Variants in UVRAG observed in about 807,000 individuals in gnomAD.
UVRAG encodes the protein UV radiation resistance-associated gene protein.
In UVRAG, 19 loss-of-function variants were observed where a neutral mutation model predicts 78.0. The ratio of observed to expected loss-of-function variants is 0.24; its 90% CI spans 0.17 to 0.36. The LOEUF is 0.36. UVRAG is among the 10% of genes least tolerant of loss of function. The pLI, the probability that UVRAG is intolerant of heterozygous loss-of-function variation, is 1.00. For missense variants in UVRAG, 740 were observed against 853.8 expected (o/e 0.87, Z 1.66); for synonymous variants, 323 against 324.6 (o/e 1.00, Z 0.05).
At chr11:75,994,104 G>A (rs972769187) in intron 8 of UVRAG, among the ~76,000 whole-genome samples, 19 of 152,232 alleles carry the variant, frequency 1.2e-4, no homozygotes, top group African/African-American at 4.1e-4. Flanking sequence ...AGGAGCACAC[G>A]TCCATACCAT....
intron 3 of UVRAG, among the ~76,000 whole-genome samples, chr11:75,873,817 G>T (rs539587448): frequency 5.3e-5 from 8 of 152,252 alleles, no homozygotes; most frequent in African/African-American, 1.9e-4. Context: ...CTCATGTAAG[G>T]TAGAGTTGGT....
intron 6 of UVRAG, among the ~76,000 whole-genome samples, chr11:75,931,638 A>G (rs1247416675): frequency 3.3e-5 from 5 of 152,144 alleles, no homozygotes; most frequent in Admixed American, 2.0e-4. Context: ...CACCTTTCAC[A>G]CTTTCTATTT....
rs1311992307 is a variant in UVRAG, at chr11:76,141,280, C to T, written c.1967C>T (p.Pro656Leu). ...GDQLEAFNCI[P>L]VDSAVAVECD... is the part of the protein sequence containing the mutation. ...CAGCTAGAAGCATTTAACTGCATCC[C>T]AGTGGACAGTGCTGTGGCAGTAGAG... Residue 656 changes from proline to leucine, a missense_variant, in exon 15 of 15, where the codon CCA (proline) becomes CTA (leucine). Physicochemically the swap from Pro to Leu is moderately conservative, Grantham distance 98 (BLOSUM62 -3). Transcript: ENST00000356136. 16 of 1,614,064 alleles carry T rather than the reference C, an allele frequency of 9.9e-6. No individual in the cohort carries two copies. The highest frequency in any genetic ancestry group is 1.3e-5 in the Non-Finnish European group (15 of 1,180,044).
At chr11:75,846,796 A>G (rs1046275052) in intron 1 of UVRAG, among the ~76,000 whole-genome samples, 4 of 151,582 alleles carry the variant, frequency 2.6e-5, no homozygotes, top group Non-Finnish European at 4.4e-5. Context: ...CTGTAGCTTT[A>G]TAGTAATGTC....
chr11:76,072,611 G>A (rs963382587), intron 13 of UVRAG, among the ~76,000 whole-genome samples: 2 of 152,104 alleles, frequency 1.3e-5, no homozygotes, highest in Non-Finnish European at 2.9e-5. Context: ...TGATATAAAT[G>A]TATAGTTCTT....
At chr11:76,077,222 CA>C (rs1258638083) in intron 13 of UVRAG, among the ~76,000 whole-genome samples, 2 of 150,286 alleles carry the variant, frequency 1.3e-5, no homozygotes, top group Non-Finnish European at 3.0e-5. Flanking sequence ...TAATTGAGGT[CA>C]AAAAATTATA....
intron 6 of UVRAG, among the ~76,000 whole-genome samples, chr11:75,928,098 A>G (rs1157782637): frequency 2.6e-5 from 4 of 151,844 alleles, no homozygotes; most frequent in African/African-American, 9.7e-5. Flanking sequence ...CTGAGACCCC[A>G]TCTCTAAAAA....
chr11:76,066,566 G>A (rs1055873832), intron 13 of UVRAG, among the ~76,000 whole-genome samples: 43 of 152,014 alleles, frequency 2.8e-4, no homozygotes, highest in East Asian at 7.7e-4. Context: ...TCTACCTCCC[G>A]GGTTCAAGTG....
chr11:75,940,046 T>G (rs1948452911), intron 6 of UVRAG, among the ~76,000 whole-genome samples: 1 of 152,234 alleles, frequency 6.6e-6, no homozygotes, highest in African/African-American at 2.4e-5. Flanking sequence ...TTTCAACTTC[T>G]GGCAGCAACT....
intron 2 of UVRAG, among the ~76,000 whole-genome samples, chr11:75,860,119 AT>A (rs935871269): frequency 4.6e-5 from 7 of 152,222 alleles, no homozygotes; most frequent in African/African-American, 1.7e-4. Flanking sequence ...TAATTTTTGT[AT>A]TTTTAGTAGA....
rs1289004574 is a variant in UVRAG, at chr11:75,916,708, A to T, written c.593+4669A>T. On this transcript the variant is annotated intron_variant, in intron 6 of 14. Transcript: ENST00000356136. ...AGATAATTCTCAGATCCGCTTCCTC[A>T]GAATTCACAGGCTAGAGTGTTTCAA... The T allele has an allele frequency of 1.3e-5, 2 of 152,262 alleles. 1 individual carries two copies. The highest frequency in any genetic ancestry group is 4.1e-4 in the South Asian group (2 of 4,830). The allele number at this position is 152,262 out of a possible 1,614,324, so 9.4% of individuals were successfully genotyped here.
chr11:76,114,048 C>T (rs1294033896), intron 13 of UVRAG, among the ~76,000 whole-genome samples: 5 of 151,902 alleles, frequency 3.3e-5, no homozygotes, highest in Non-Finnish European at 7.4e-5. Context: ...CTCGGAGACA[C>T]ATAGCTTAGT....
chr11:75,878,250 A>G (rs1157667501), intron 3 of UVRAG, among the ~76,000 whole-genome samples: 1 of 146,282 alleles, frequency 6.8e-6, no homozygotes, highest in Non-Finnish European at 1.5e-5. Context: ...TGCTCCCCAC[A>G]TCTCAGACGA....
chr11:75,992,302 G>A (rs1230839049), intron 8 of UVRAG, among the ~76,000 whole-genome samples: 1 of 152,178 alleles, frequency 6.6e-6, no homozygotes, highest in Non-Finnish European at 1.5e-5. Context: ...TGGAGAGAAA[G>A]AATGGTAATC....
Position 76,008,847 on chromosome 11 carries a change from CT to C in UVRAG, c.1041del (p.Asn348IlefsTer26). 6.7e-7 allele frequency: 1 copy of C among 1,490,468 alleles called. No individual in the cohort carries two copies. The highest frequency in any genetic ancestry group is 9.1e-7 in the Non-Finnish European group (1 of 1,104,604). The allele number at this position is 1,490,468 out of a possible 1,614,324, so 92.3% of individuals were successfully genotyped here. On this transcript the variant is annotated frameshift_variant, in exon 11 of 15. Transcript: ENST00000356136. LOFTEE classifies it high-confidence loss of function. ...TACTTTGTATGCGGTGTCAAGTTGC[CT>C]AATTCTGAGGACTTCCAAGGTATTT... ...KDYFVCGVKLPNSEDFQAKDD... is the reference protein window; with the variant it reads ...KDYFVCGVKLXNSEDFQAKDD...
intron 6 of UVRAG, among the ~76,000 whole-genome samples, chr11:75,959,767 C>T: frequency 6.6e-6 from 1 of 152,212 alleles, no homozygotes; most frequent in Non-Finnish European, 1.5e-5. Flanking sequence ...CTGCCTTCCT[C>T]AGTAAGCTTT....
At chr11:76,090,880 G>T (rs1951684634) in intron 13 of UVRAG, among the ~76,000 whole-genome samples, 1 of 152,136 alleles carries the variant, frequency 6.6e-6, no homozygotes, top group African/African-American at 2.4e-5. Context: ...CTTCTGATCT[G>T]CTGCAGTCTG....
chr11:75,985,154 CTTTTT>C (rs796594987), intron 8 of UVRAG, among the ~76,000 whole-genome samples: 1 of 128,610 alleles, frequency 7.8e-6, no homozygotes, highest in African/African-American at 2.8e-5. Flanking sequence ...AATTTCTTTT[CTTTTT>C]TTTTTTTTTT....
At chr11:76,007,217 G>A (rs993917146) in intron 9 of UVRAG, among the ~76,000 whole-genome samples, 1 of 151,970 alleles carries the variant, frequency 6.6e-6, no homozygotes, top group Non-Finnish European at 1.5e-5. Flanking sequence ...TCCCTATATT[G>A]CCCAGGCTGG....
Sources: allele counts gnomAD v4.1 joint callset (sites outside exome capture counted in the v4.1 genomes callset), GRCh38; gene constraint gnomAD v4.1.1; transcripts MANE v1.5; gene names NCBI Gene and HGNC (gene_info 2026-07-23, HGNC 2026-07-21).